The following LEP variants were observed in gnomAD, a reference collection of about 807,000 sequenced individuals.
LEP encodes leptin (murine obesity homolog).
Under a neutral mutation model 9.8 loss-of-function variants are expected in LEP, and 6 were observed. That is an observed-to-expected ratio of 0.61 (90% CI 0.34 to 1.21). LEP has a LOEUF of 1.21. Among genes scored for constraint, LEP ranks in the 50% most tolerant of loss-of-function variants. LEP has a pLI of 0.04. For synonymous variants in LEP, 112 were observed against 81.7 expected, an observed-to-expected ratio of 1.37 and a Z score of -2.00; for missense variants, 134 against 198.1, an observed-to-expected ratio of 0.68 and a Z score of 1.94.
intron 1 of LEP, among the ~76,000 whole-genome samples, chr7:128,241,845 G>T (rs1439547410): frequency 1.3e-5 from 2 of 152,298 alleles, no homozygotes; most frequent in South Asian, 4.1e-4. Context: ...GAGTAGAGGT[G>T]GGGGGAAACA....
In LEP at chr7:128,255,882, T is replaced by C. The variant is rs1234580950; in HGVS notation, c.*1119T>C. 1 of 152,122 alleles carries C rather than the reference T, an allele frequency of 6.6e-6. No homozygotes were observed. Among genetic ancestry groups the C allele is most frequent in the East Asian group, 1.9e-4 (1 of 5,182 alleles). The allele number at this position is 152,122 out of a possible 1,614,324, so 9.4% of individuals were successfully genotyped here. A position where few individuals can be genotyped will look rare whatever the true frequency, so the allele number is the denominator to read the frequency against. On this transcript the variant is annotated 3_prime_UTR_variant, in exon 3 of 3. Coordinates refer to ENST00000308868, the MANE Select transcript of LEP (RefSeq NM_000230.3). ...AACGCAAAGGGCTGAAAGCCATTTG[T>C]TGGGGCAGTGGTAAGCTCTGGCTTT... is the stretch of plus-strand genomic sequence containing the variant.
At chr7:128,241,624 T>C (rs768727713) in intron 1 of LEP, among the ~76,000 whole-genome samples, 25 of 152,210 alleles carry the variant, frequency 1.6e-4, no homozygotes, top group Non-Finnish European at 3.4e-4. Context: ...GGAAATTGCC[T>C]TGGGCACATC....
rs904214412 is a variant in LEP at position 128,257,298 on chromosome 7, C to A, written c.*2535C>A. ...AAAAAAAAAAAAGTTTGGCCGGGTG[C>A]GGTGGCTCACGCCTGTAATCCCAGC... On this transcript the variant is annotated 3_prime_UTR_variant, in exon 3 of 3. Coordinates refer to ENST00000308868, the MANE Select transcript of LEP (RefSeq NM_000230.3). 1 of 150,718 alleles carries A rather than the reference C, an allele frequency of 6.6e-6. No homozygotes were observed. The highest frequency in any genetic ancestry group is 1.5e-5 in the Non-Finnish European group (1 of 67,780). The allele number at this position is 150,718 out of a possible 1,614,324, so 9.3% of individuals were successfully genotyped here.
At chr7:128,248,303 G>A (rs1297059157) in intron 1 of LEP, among the ~76,000 whole-genome samples, 2 of 152,054 alleles carry the variant, frequency 1.3e-5, no homozygotes, top group Admixed American at 6.6e-5. Flanking sequence ...ATGGTGGCAG[G>A]CACCTGTAAT....
At chr7:128,253,142 T>C (rs926343127) in intron 2 of LEP, among the ~76,000 whole-genome samples, 5 of 152,118 alleles carry the variant, frequency 3.3e-5, no homozygotes, top group African/African-American at 9.7e-5. Flanking sequence ...TTGTGTCCCA[T>C]TGGCAGGAAC....
In LEP at chr7:128,244,508, G is replaced by A. The variant is rs10257175; in HGVS notation, c.-29+3202G>A. 6.2e-3 allele frequency among the ~76,000 whole-genome samples: 941 copies of A among 152,274 alleles called. 13 individuals carry two copies. The highest frequency in any genetic ancestry group is 0.021 in the African/African-American group (872 of 41,560). On this transcript the variant is annotated intron_variant, in intron 1 of 2. Transcript: ENST00000308868. ...GTGATCAACATTTGAAAAAAGAGCC[G>A]AGACTCTCAAGAGTGCATTACCCAC...
At chr7:128,246,936 G>C (rs1328851227) in intron 1 of LEP, among the ~76,000 whole-genome samples, 1 of 152,062 alleles carries the variant, frequency 6.6e-6, no homozygotes, top group Non-Finnish European at 1.5e-5. Context: ...AGTGGGCCAT[G>C]AGGGAGACAG....
chr7:128,247,417 C>G (rs1158694955), intron 1 of LEP, among the ~76,000 whole-genome samples: 1 of 152,178 alleles, frequency 6.6e-6, no homozygotes, highest in Non-Finnish European at 1.5e-5. Context: ...CTCCATCCTT[C>G]TAGTCAGCCA....
intron 1 of LEP, among the ~76,000 whole-genome samples, chr7:128,248,807 C>T (rs538575372): frequency 3.1e-4 from 47 of 152,328 alleles, no homozygotes; most frequent in Admixed American, 1.1e-3. Flanking sequence ...CTTCCCACTC[C>T]TGATTCCACT....
chr7:128,254,535 A>G lies in LEP; in HGVS notation c.276A>G (p.Arg92=), dbSNP rs201185232. The change falls in exon 3 of 3, where the codon AGA becomes AGG. Residue 92 remains arginine, a synonymous_variant. Coordinates refer to ENST00000308868, the MANE Select transcript of LEP (RefSeq NM_000230.3). ...AGATCCTCACCAGTATGCCTTCCAG[A>G]AACGTGATCCAAATATCCAACGACC... ...YQQILTSMPS[R]NVIQISNDLE... is the part of the protein sequence containing the mutation. The G allele has an allele frequency of 2.8e-5, 45 of 1,614,066 alleles. No homozygotes were observed. The highest frequency in any genetic ancestry group is 2.2e-4 in the Admixed American group (13 of 60,012).
At chr7:128,247,727 G>T (rs899414721) in intron 1 of LEP, among the ~76,000 whole-genome samples, 1 of 152,180 alleles carries the variant, frequency 6.6e-6, no homozygotes, top group Admixed American at 6.5e-5. Context: ...AGGCATTGGG[G>T]TTGGCTACGT....
In LEP at chr7:128,255,930, T is replaced by A. The variant is rs556176595; in HGVS notation, c.*1167T>A. On this transcript the variant is annotated 3_prime_UTR_variant, in exon 3 of 3. Transcript: ENST00000308868. ...TTTCTCCGACTGCTAGGGAGTGGTC[T>A]TTCCTATCATGGAGTGACGGTCCCA... 6 of 152,364 alleles carry A rather than the reference T, an allele frequency of 3.9e-5. No homozygotes were observed. In the South Asian group the frequency reaches 1.2e-3, roughly 32 times the overall value. The allele number at this position is 152,364 out of a possible 1,614,324, so 9.4% of individuals were successfully genotyped here.
At chr7:128,245,464 G>A (rs757091551) in intron 1 of LEP, among the ~76,000 whole-genome samples, 7 of 152,124 alleles carry the variant, frequency 4.6e-5, no homozygotes, top group Non-Finnish European at 8.8e-5. Flanking sequence ...TCCAAACTTC[G>A]CTGCCTTTAT....
Position 128,252,036 on chromosome 7 carries a change from G to A in LEP, c.18G>A (p.Leu6=), listed in dbSNP as rs1562931884. Residue 6 remains leucine (L), a synonymous_variant, in exon 2 of 3, where the codon CTG becomes CTA. Transcript: ENST00000308868. ...GAAGGAAAATGCATTGGGGAACCCT[G>A]TGCGGATTCTTGTGGCTTTGGCCCT... MHWGT[L]CGFLWLWPYL... 1.2e-6 allele frequency: 2 copies of A among 1,614,100 alleles called. No homozygotes were observed. The highest frequency in any genetic ancestry group is 2.7e-5 in the African/African-American group (2 of 74,934).
chr7:128,245,788 G>A (rs774931787), intron 1 of LEP, among the ~76,000 whole-genome samples: 2 of 152,188 alleles, frequency 1.3e-5, no homozygotes, highest in Non-Finnish European at 2.9e-5. Flanking sequence ...GATGGGCCAG[G>A]CTCGGTGGCT....
chr7:128,251,601 G>T (rs1795275449), intron 1 of LEP, among the ~76,000 whole-genome samples: 1 of 152,206 alleles, frequency 6.6e-6, no homozygotes, highest in Non-Finnish European at 1.5e-5. Flanking sequence ...GGAGTATTTT[G>T]TGGTTATGTG....
At chr7:128,248,069 G>A (rs1303616164) in intron 1 of LEP, among the ~76,000 whole-genome samples, 3 of 152,190 alleles carry the variant, frequency 2.0e-5, no homozygotes, top group Non-Finnish European at 4.4e-5. Context: ...GAGGTGGGCA[G>A]ATAATCTGAG....
At chr7:128,246,478 G>A (rs1214888385) in intron 1 of LEP, among the ~76,000 whole-genome samples, 1 of 152,030 alleles carries the variant, frequency 6.6e-6, no homozygotes, top group Admixed American at 6.6e-5. Context: ...TTTAAGAGAT[G>A]GGGTCTTGCT....
In LEP at chr7:128,257,201, T is replaced by C. The variant is rs202238676; in HGVS notation, c.*2438T>C. The C allele has an allele frequency of 4.0e-5, 6 of 151,788 alleles. No individual in the cohort carries two copies. The highest frequency in any genetic ancestry group is 1.5e-4 in the African/African-American group (6 of 41,254). 9.4% of individuals were successfully genotyped at this position (151,788 alleles called of 1,614,324 possible). On this transcript the variant is annotated 3_prime_UTR_variant, in exon 3 of 3. Transcript: ENST00000308868. ...TCTTAAGCCTTTTGCTCACAAAACCTGGCACAATGGCTAATTCCCAGAGTG... is the reference window on the plus strand; with the variant it reads ...TCTTAAGCCTTTTGCTCACAAAACCCGGCACAATGGCTAATTCCCAGAGTG...
Sources: gnomAD v4.1 joint callset for allele counts (sites outside exome capture counted in the v4.1 genomes callset) on GRCh38, gnomAD v4.1.1 for gene constraint, MANE v1.5 for transcripts, NCBI Gene and HGNC (gene_info 2026-07-23, HGNC 2026-07-21) for gene names.